Variants in HTT observed in about 807,000 individuals in gnomAD.
HTT encodes huntington disease protein.
A neutral mutation model predicts 362.3 loss-of-function variants in HTT; 104 were observed. That is an observed-to-expected ratio of 0.29 (90% CI 0.24 to 0.34). HTT has a LOEUF of 0.34. HTT is among the 10% of genes least tolerant of loss of function. The pLI is 1.00. For synonymous variants in HTT, 1,577 were observed against 1,548.7 expected (o/e 1.02, Z -0.43); for missense variants, 3,301 against 3,928.6 (o/e 0.84, Z 4.27).
intron 2 of HTT, among the ~76,000 whole-genome samples, chr4:3,098,608 C>T (rs1404165149): frequency 6.6e-6 from 1 of 152,230 alleles, no homozygotes; most frequent in Non-Finnish European, 1.5e-5. Context: ...ATGGCCTAAA[C>T]AGCTTCTTTC....
At chr4:3,141,843 T>C (rs529885637) in intron 22 of HTT, among the ~76,000 whole-genome samples, 1 of 152,316 alleles carries the variant, frequency 6.6e-6, no homozygotes, top group East Asian at 1.9e-4. Context: ...GATAATTTCC[T>C]TTGTTTAAAC....
chr4:3,194,599 C>A (rs1213625578), intron 40 of HTT, among the ~76,000 whole-genome samples: 1 of 152,344 alleles, frequency 6.6e-6, no homozygotes, highest in Non-Finnish European at 1.5e-5. Context: ...GCCATCCAGA[C>A]TATACCCAGT....
At chr4:3,222,616 T>C (rs1329612357) in intron 54 of HTT, 129 bp downstream of exon 54, 1 of 674,184 alleles carries the variant, frequency 1.5e-6, no homozygotes, top group Admixed American at 2.6e-5. Flanking sequence ...AAAGAGTAGC[T>C]GAATGGTGTC....
chr4:3,145,245 G>A lies in HTT; in HGVS notation c.3143+17G>A, dbSNP rs772678312. On this transcript the variant is annotated intron_variant, in intron 24 of 66. Transcript: ENST00000355072. ...GCACTGTGGGTATGTATTTTCCTCA[G>A]TATATATTAATAGTTGTCTACAACA... 2.0e-6 allele frequency: 3 copies of A among 1,512,434 alleles called. No homozygotes were observed. The East Asian group carries it at 6.8e-5, about 34-fold the overall frequency. The allele number at this position is 1,512,434 out of a possible 1,614,324, so 93.7% of individuals were successfully genotyped here. A position where few individuals can be genotyped will look rare whatever the true frequency, so the allele number is the denominator to read the frequency against.
Position 3,187,673 on chromosome 4 carries a change from T to A in HTT, c.5012T>A (p.Leu1671Gln). ...NTMASVSTVQ[L>Q]WISGILAILR... ...TAGGCGTCCGTGAGCACTGTTCAACTGTGGATATCGGGAATTCTGGCCATT... is the reference window on the plus strand; with the variant it reads ...TAGGCGTCCGTGAGCACTGTTCAACAGTGGATATCGGGAATTCTGGCCATT... The change falls in exon 39 of 67, where the codon CTG (leucine) becomes CAG (glutamine). Residue 1671 changes from leucine (L) to glutamine (Q), a missense_variant. Physicochemically the swap from Leu to Gln is moderately radical, Grantham distance 113. Around this residue, in one of 4 missense-constraint regions of HTT, gnomAD observed 2,316 missense variants for 2,658.5 expected, o/e 0.87. Coordinates refer to ENST00000355072, the MANE Select transcript of HTT (RefSeq NM_001388492.1). 1 of 1,614,002 alleles carries A rather than the reference T, an allele frequency of 6.2e-7. No individual in the cohort carries two copies. The highest frequency in any genetic ancestry group is 8.5e-7 in the Non-Finnish European group (1 of 1,179,832).
intron 35 of HTT, among the ~76,000 whole-genome samples, chr4:3,179,584 C>G (rs900955725): frequency 4.6e-5 from 7 of 151,098 alleles, no homozygotes; most frequent in Non-Finnish European, 8.9e-5. Flanking sequence ...CAGAGGGTGC[C>G]TCGCGTGTGT....
Position 3,210,791 on chromosome 4 carries a change from T to C in HTT, c.6414+842T>C, listed in dbSNP as rs1309765464. Among the ~76,000 whole-genome samples, 5 of 152,022 alleles carry C rather than the reference T, an allele frequency of 3.3e-5. No homozygotes were observed. The East Asian group carries it at 7.7e-4, about 23-fold the overall frequency. ...GGCCGGGAGTGACGGCAGGTGTTCA[T>C]GAAAAGAGACCTTGTGGGGAGGGCA... On this transcript the variant is annotated intron_variant, in intron 47 of 66. Coordinates refer to ENST00000355072, the MANE Select transcript of HTT (RefSeq NM_001388492.1).
chr4:3,094,128 T>C (rs910917601), intron 2 of HTT, among the ~76,000 whole-genome samples: 2 of 151,542 alleles, frequency 1.3e-5, no homozygotes, highest in African/African-American at 4.9e-5. Flanking sequence ...TCTTAACGAG[T>C]ATGCTGCCTT....
chr4:3,103,705 T>C (rs1227303314), intron 3 of HTT, 119 bp from the exon 4 acceptor site: 3 of 672,944 alleles, frequency 4.5e-6, no homozygotes, highest in East Asian at 5.1e-5. Flanking sequence ...AATATATTCT[T>C]AATTTAGTTG....
Position 3,217,779 on chromosome 4 carries a change from A to G in HTT, c.7069A>G (p.Thr2357Ala). 6.2e-7 allele frequency: 1 copy of G among 1,613,672 alleles called. No homozygotes were observed. Among genetic ancestry groups the G allele is most frequent in the Non-Finnish European group, 8.5e-7 (1 of 1,179,766 alleles). ...DPNTQNPKYI[T>A]AACEMVAEMV... is the part of the protein sequence containing the mutation. ...TGCTTGTTTAGATCCTAAGTATATC[A>G]CTGCAGCCTGTGAGATGGTGGCAGA... The change falls in exon 52 of 67, where the codon ACT becomes GCT. Residue 2357 changes from threonine (T) to alanine (A), a missense_variant. By Grantham distance (58) the Thr-to-Ala change is moderately conservative. This residue lies in a region of HTT where 220 missense variants were observed against 218.5 expected (regional missense o/e 1.01). Transcript: ENST00000355072.
At chr4:3,146,662 TTAAAAA>T (rs1716618661) in intron 24 of HTT, 129 bp from the exon 25 acceptor site, 2 of 754,164 alleles carry the variant, frequency 2.7e-6, no homozygotes, top group African/African-American at 1.7e-5. Flanking sequence ...TGTTAGTTGA[TTAAAAA>T]TAAAACAATT....
intron 29 of HTT, among the ~76,000 whole-genome samples, chr4:3,161,330 A>G (rs1173351134): frequency 2.0e-5 from 3 of 152,224 alleles, no homozygotes; most frequent in African/African-American, 7.2e-5. Context: ...ATTGATGGAC[A>G]TTCGGGTTGG....
At chr4:3,229,152 GCAC>G in intron 59 of HTT, 143 bp downstream of exon 59, 1 of 745,982 alleles carries the variant, frequency 1.3e-6, no homozygotes, top group Non-Finnish European at 2.1e-6. Flanking sequence ...CAGGCCACAC[GCAC>G]CATAGACACC....
chr4:3,106,327 G>C (rs147045402), intron 5 of HTT, among the ~76,000 whole-genome samples: 9 of 152,320 alleles, frequency 5.9e-5, no homozygotes, highest in African/African-American at 2.2e-4. Flanking sequence ...CTGCACTCCA[G>C]CCTGGGCAAC....
In HTT at chr4:3,146,367, C is replaced by G. The variant is rs148801315; in HGVS notation, c.3144-430C>G. ...AACATAATAATATCAGGAAAACTAA[C>G]CACGTCAGACCTGCCCCATTGTGTA... On this transcript the variant is annotated intron_variant, in intron 24 of 66. Transcript: ENST00000355072. Among the ~76,000 whole-genome samples, 199 of 152,324 alleles carry G rather than the reference C, an allele frequency of 1.3e-3. 1 individual carries two copies. Among genetic ancestry groups the G allele is most frequent in the African/African-American group, 4.6e-3 (191 of 41,566 alleles).
In HTT at chr4:3,144,366, A is replaced by G. The variant is rs140928407; in HGVS notation, c.3067-786A>G. 3.2e-4 allele frequency among the ~76,000 whole-genome samples: 48 copies of G among 152,268 alleles called. No individual in the cohort carries two copies. The East Asian group carries it at 7.9e-3, about 25-fold the overall frequency. On this transcript the variant is annotated intron_variant, in intron 23 of 66. Coordinates refer to ENST00000355072, the MANE Select transcript of HTT (RefSeq NM_001388492.1). The stretch of plus-strand genomic sequence containing the variant: ...GGAATCTCACTCTGTTGCCCAGGCT[A>G]GAGCACAGTGGCATGATCTTGGCTC...
intron 21 of HTT, 84 bp from the exon 22 acceptor site, chr4:3,140,426 T>G (rs1716287773): frequency 8.2e-7 from 1 of 1,221,006 alleles, no homozygotes; most frequent in Non-Finnish European, 1.2e-6. Flanking sequence ...GGTGTTGGCT[T>G]AGCCATCTGC....
intron 23 of HTT, among the ~76,000 whole-genome samples, chr4:3,144,039 A>G (rs1473254673): frequency 4.6e-5 from 7 of 152,178 alleles, no homozygotes; most frequent in African/African-American, 1.7e-4. Flanking sequence ...CAATATGGAG[A>G]TGTATAATCT....
chr4:3,161,422 T>G (rs940070726), intron 29 of HTT, among the ~76,000 whole-genome samples: 2 of 152,356 alleles, frequency 1.3e-5, no homozygotes, highest in South Asian at 2.1e-4. Context: ...TTTATAATCC[T>G]TTGGGTATAT....
Sources: allele counts gnomAD v4.1 joint callset (sites outside exome capture counted in the v4.1 genomes callset), GRCh38; gene constraint gnomAD v4.1.1; regional missense constraint gnomAD v4.1.1; transcripts MANE v1.5; gene names NCBI Gene and HGNC (gene_info 2026-07-23, HGNC 2026-07-21).